The following GRIN2B variants were observed in gnomAD, a reference collection of about 807,000 sequenced individuals.
GRIN2B encodes the protein glutamate ionotropic receptor NMDA type subunit 2B.
In GRIN2B, 5 loss-of-function variants were observed where a neutral mutation model predicts 114.5. That is an observed-to-expected ratio of 0.04 (90% CI 0.02 to 0.09). The LOEUF (loss-of-function observed/expected upper bound fraction) is 0.09, where lower values mean the gene tolerates loss of function less well. Ranked by LOEUF, GRIN2B falls within the 10% of genes least tolerant of loss-of-function variation. The pLI is 1.00. For synonymous variants in GRIN2B, 787 were observed against 745.1 expected, an observed-to-expected ratio of 1.06 and a Z score of -0.92; for missense variants, 1,108 against 1,943.5, an observed-to-expected ratio of 0.57 and a Z score of 8.08.
Position 13,563,686 on chromosome 12 carries a change from G to A in GRIN2B, c.3552C>T (p.Gly1184=), listed in dbSNP as rs141886903. The change falls in exon 14 of 14, where the codon GGC becomes GGT. Residue 1184 remains glycine (G), a synonymous_variant. Transcript: ENST00000609686. ...TNRSHIKHGT[G]DKHGVVSGVP... ...CCCCGCTGACCACGCCGTGTTTGTC[G>A]CCCGTCCCGTGCTTGATGTGAGACC... 3,517 of 1,613,404 alleles carry A rather than the reference G, an allele frequency of 2.2e-3. 15 individuals carry two copies. The highest frequency in any genetic ancestry group is 2.2e-3 in the Non-Finnish European group (2,625 of 1,179,968).
At chr12:13,700,463 C>T (rs1353993341) in intron 4 of GRIN2B, among the ~76,000 whole-genome samples, 1 of 152,094 alleles carries the variant, frequency 6.6e-6, no homozygotes, top group African/African-American at 2.4e-5. Context: ...TCCCCCATAC[C>T]CCCACTACCC....
chr12:13,865,684 CA>C lies in GRIN2B; in HGVS notation c.411+113del, dbSNP rs1417194692. 1.7e-5 allele frequency: 15 copies of C among 885,502 alleles called. No homozygotes were observed. The East Asian group carries it at 3.1e-4, about 18-fold the overall frequency. The allele number at this position is 885,502 out of a possible 1,614,324, so 54.9% of individuals were successfully genotyped here. A position where few individuals can be genotyped will look rare whatever the true frequency, so the allele number is the denominator to read the frequency against. On this transcript the variant is annotated intron_variant, in intron 3 of 13. Coordinates refer to ENST00000609686, the MANE Select transcript of GRIN2B (RefSeq NM_000834.5). ...TTAATTGCTGGCCTATCCACGCTGT[CA>C]ATGCAATCTGGTTACCTTCCATCAT...
chr12:13,921,434 G>A (rs1319688841), intron 2 of GRIN2B, among the ~76,000 whole-genome samples: 1 of 152,082 alleles, frequency 6.6e-6, no homozygotes, highest in Non-Finnish European at 1.5e-5. Context: ...AAAGTTTCAG[G>A]ACAAAATATA....
chr12:13,573,623 C>T (rs1438561878), intron 10 of GRIN2B, among the ~76,000 whole-genome samples: 2 of 152,164 alleles, frequency 1.3e-5, no homozygotes, highest in Non-Finnish European at 2.9e-5. Context: ...GCTTTGGCAT[C>T]GGAACGACAA....
At position 13,675,847 on chromosome 12, in the gene GRIN2B, A is replaced by G. The variant is rs201228929; in HGVS notation, c.1023T>C (p.Asn341=). The change falls in exon 5 of 14, where the codon AAT becomes AAC. Residue 341 remains asparagine (N), a synonymous_variant. Coordinates refer to ENST00000609686, the MANE Select transcript of GRIN2B (RefSeq NM_000834.5). ...ACAAATTCCTCCCCTCAAAAGTGAC[A>G]TTGATCAGATACCTGTAAAGATAAA... is the stretch of plus-strand genomic sequence containing the variant. ...QSNMLNRYLI[N]VTFEGRNLSF... is the part of the protein sequence containing the mutation. 1.2e-5 allele frequency: 19 copies of G among 1,564,038 alleles called. No homozygotes were observed. The African/African-American group carries it at 1.9e-4, about 16-fold the overall frequency.
chr12:13,926,995 T>C (rs981709384), intron 2 of GRIN2B, among the ~76,000 whole-genome samples: 3 of 149,250 alleles, frequency 2.0e-5, no homozygotes, highest in Non-Finnish European at 4.4e-5. Flanking sequence ...ATGGAAGGCA[T>C]TTAAGGGGAT....
chr12:13,915,686 A>G (rs956833597), intron 2 of GRIN2B, among the ~76,000 whole-genome samples: 2 of 152,180 alleles, frequency 1.3e-5, no homozygotes, highest in African/African-American at 4.8e-5. Flanking sequence ...ACAGGTAAAT[A>G]GCCACATAAG....
chr12:13,866,358 C>T, intron 2 of GRIN2B, 132 bp from the exon 3 acceptor site: 1 of 757,524 alleles, frequency 1.3e-6, no homozygotes, highest in Non-Finnish European at 2.3e-6. Context: ...CATCTACCAG[C>T]CTACTCTCTT....
rs982278189 is a variant in GRIN2B, at chr12:13,556,227, A to G, written c.*6556T>C. 3.3e-5 allele frequency: 5 copies of G among 152,192 alleles called. No individual in the cohort carries two copies. Among genetic ancestry groups the G allele is most frequent in the South Asian group, 4.1e-4 (2 of 4,826 alleles). The allele number at this position is 152,192 out of a possible 1,614,324, so 9.4% of individuals were successfully genotyped here. A position where few individuals can be genotyped will look rare whatever the true frequency, so the allele number is the denominator to read the frequency against. ...TGACATGGGAAGCTGAATCTCTGCAATGTTTTTTCAAATAGCATAATGGAT... is the reference window on the plus strand; with the variant it reads ...TGACATGGGAAGCTGAATCTCTGCAGTGTTTTTTCAAATAGCATAATGGAT... On this transcript the variant is annotated 3_prime_UTR_variant, in exon 14 of 14. Coordinates refer to ENST00000609686, the MANE Select transcript of GRIN2B (RefSeq NM_000834.5).
At chr12:13,825,673 C>T (rs977846209) in intron 3 of GRIN2B, among the ~76,000 whole-genome samples, 31 of 151,654 alleles carry the variant, frequency 2.0e-4, no homozygotes, top group African/African-American at 4.6e-4. Flanking sequence ...TACACTACCA[C>T]GCCCAGCTAA....
In GRIN2B at chr12:13,539,097, CAAG is replaced by C. The variant is rs977426747; in HGVS notation, c.*23683_*23685del. On this transcript the variant is annotated 3_prime_UTR_variant, in exon 14 of 14. Transcript: ENST00000609686. ...ACTTTCTGGAATGTTCAGGGAGAAACAAGAATTTTTGTTCAGTACAAAGGAAAG... is the reference window on the plus strand; with the variant it reads ...ACTTTCTGGAATGTTCAGGGAGAAACAATTTTTGTTCAGTACAAAGGAAAG... 1 of 152,106 alleles carries C rather than the reference CAAG, an allele frequency of 6.6e-6. No homozygotes were observed. Among genetic ancestry groups the C allele is most frequent in the Non-Finnish European group, 1.5e-5 (1 of 68,014 alleles). The allele number at this position is 152,106 out of a possible 1,614,324, so 9.4% of individuals were successfully genotyped here.
In GRIN2B at chr12:13,615,337, G is replaced by A; in HGVS notation, c.1501-70C>T. 1 of 1,511,720 alleles carries A rather than the reference G, an allele frequency of 6.6e-7. No individual in the cohort carries two copies. The highest frequency in any genetic ancestry group is 9.2e-7 in the Non-Finnish European group (1 of 1,087,096). 93.6% of individuals were successfully genotyped at this position (1,511,720 alleles called of 1,614,324 possible). ...AAGGGACCACCACAAGGAAAATACA[G>A]CCTATCAGTGGTTTTCTTTGTATAG... On this transcript the variant is annotated intron_variant, in intron 7 of 13. Transcript: ENST00000609686. The surrounding 1 kb of genome is among the most constrained non-coding windows in gnomAD (Gnocchi z 5.8).
intron 2 of GRIN2B, among the ~76,000 whole-genome samples, chr12:13,873,566 A>T (rs1410596170): frequency 6.6e-6 from 1 of 152,120 alleles, no homozygotes; most frequent in African/African-American, 2.4e-5. Context: ...TCCCTCTCAC[A>T]CTATTACCAT....
At chr12:13,970,072 C>A (rs764127712) in intron 2 of GRIN2B, among the ~76,000 whole-genome samples, 1 of 152,178 alleles carries the variant, frequency 6.6e-6, no homozygotes, top group Admixed American at 6.5e-5. Flanking sequence ...AGGCTGGTCT[C>A]GAACTCCTGA....
intron 5 of GRIN2B, among the ~76,000 whole-genome samples, chr12:13,622,000 A>AT (rs1949522998): frequency 6.6e-6 from 1 of 151,316 alleles, no homozygotes; most frequent in Non-Finnish European, 1.5e-5. Flanking sequence ...AGAAGGGCGA[A>AT]TGTGTCATTG....
chr12:13,585,199 C>T (rs1432188873), intron 10 of GRIN2B, among the ~76,000 whole-genome samples: 1 of 152,180 alleles, frequency 6.6e-6, no homozygotes, highest in Non-Finnish European at 1.5e-5. Context: ...AGCACAATCA[C>T]CTGAGGTTCT....
chr12:13,740,719 C>T (rs993558011), intron 4 of GRIN2B, among the ~76,000 whole-genome samples: 3 of 152,294 alleles, frequency 2.0e-5, no homozygotes, highest in East Asian at 1.9e-4. Flanking sequence ...AGTCTCCACC[C>T]GCTTCAGTTC....
intron 10 of GRIN2B, among the ~76,000 whole-genome samples, chr12:13,579,755 G>C (rs1292146048): frequency 6.6e-6 from 1 of 151,912 alleles, no homozygotes; most frequent in Non-Finnish European, 1.5e-5. Context: ...GTGAGGGTAT[G>C]GGTGCTACAG....
At chr12:13,813,466 G>T (rs747732864) in intron 3 of GRIN2B, among the ~76,000 whole-genome samples, 2 of 152,136 alleles carry the variant, frequency 1.3e-5, no homozygotes, top group Non-Finnish European at 2.9e-5. Context: ...AGGATGAGGA[G>T]AAAATGTTTG....
Sources: gnomAD v4.1 joint callset for allele counts (sites outside exome capture counted in the v4.1 genomes callset) on GRCh38, gnomAD v4.1.1 for gene constraint, Gnocchi (gnomAD v3.1) non-coding constraint, MANE v1.5 for transcripts, NCBI Gene and HGNC (gene_info 2026-07-23, HGNC 2026-07-21) for gene names.